Variants in COL27A1 observed in about 807,000 individuals in gnomAD.
The protein encoded by COL27A1 is collagen type XXVII alpha 1 chain, also known as collagen alpha-1(XXVII) chain.
A neutral mutation model predicts 251.3 loss-of-function variants in COL27A1; 106 were observed. The observed-to-expected ratio is 0.42, with a 90% CI of 0.36 to 0.50. The LOEUF is 0.50. COL27A1 is among the 20% of genes least tolerant of loss of function. The pLI is 0.00. For missense variants in COL27A1, 2,325 were observed against 2,522.8 expected (o/e 0.92, Z 1.68); for synonymous variants, 1,000 against 986.3 (o/e 1.01, Z -0.26).
intron 25 of COL27A1, among the ~76,000 whole-genome samples, chr9:114,252,008 G>A (rs1010798344): frequency 6.6e-6 from 1 of 152,196 alleles, no homozygotes; most frequent in Admixed American, 6.5e-5. Context: ...TGCTGGCTGG[G>A]TGGATACAAG....
intron 17 of COL27A1, among the ~76,000 whole-genome samples, 199 bp from the exon 18 acceptor site, chr9:114,236,782 A>C (rs1478747322): frequency 3.3e-5 from 5 of 152,024 alleles, no homozygotes; most frequent in Non-Finnish European, 7.4e-5. Flanking sequence ...TCATGTTAGC[A>C]TTTCCTGGGG....
chr9:114,230,415 C>T (rs1442282260), intron 14 of COL27A1, among the ~76,000 whole-genome samples: 1 of 152,152 alleles, frequency 6.6e-6, no homozygotes, highest in Non-Finnish European at 1.5e-5. Flanking sequence ...GAGCTGTCAT[C>T]TGCAAACTGC....
chr9:114,240,255 T>C lies in COL27A1; in HGVS notation c.2763T>C (p.Asn921=), dbSNP rs2135474187. The change falls in exon 20 of 61, where the codon AAT becomes AAC. Residue 921 remains asparagine (N), a synonymous_variant. Transcript: ENST00000356083. ...FPGDIGPPGD[N]GPEGMKGKPG... ...GAGACATCGGCCCCCCTGGCGACAA[T>C]GGCCCAGAAGGCATGAAGGTGAGTA... 2 of 1,605,288 alleles carry C rather than the reference T, an allele frequency of 1.2e-6. No homozygotes were observed. The highest frequency in any genetic ancestry group is 1.7e-5 in the Admixed American group (1 of 59,172).
chr9:114,236,903 C>G, intron 17 of COL27A1, 78 bp from the exon 18 acceptor site: 3 of 1,361,924 alleles, frequency 2.2e-6, no homozygotes, highest in Non-Finnish European at 3.1e-6. Context: ...GGCCTGGGAC[C>G]AGCAGGAGGA....
intron 49 of COL27A1, among the ~76,000 whole-genome samples, chr9:114,296,137 T>G (rs1828242419): frequency 6.6e-6 from 1 of 152,174 alleles, no homozygotes; most frequent in South Asian, 2.1e-4. Context: ...TTCAAGAACT[T>G]GGATAAGACA....
rs1010183854 is a variant in COL27A1 at position 114,169,240 on chromosome 9, C to T, written c.1685C>T (p.Ala562Val). ...CCTGTCCCCCTCAGACCTGGGAAGG[C>T]AGCCAGGGATGTCCCCTTGAGCGAT... ...RKPVPLRPGK[A>V]ARDVPLSDLT... The change falls in exon 3 of 61, where the codon GCA (alanine) becomes GTA (valine). Residue 562 changes from alanine (A) to valine (V), a missense_variant. Physicochemically the swap from Ala to Val is moderately conservative, Grantham distance 64. Around this residue, in one of 4 missense-constraint regions of COL27A1, gnomAD observed 1,183 missense variants for 1,144.1 expected, o/e 1.03. Transcript: ENST00000356083. The T allele has an allele frequency of 1.2e-6, 2 of 1,613,694 alleles. No individual in the cohort carries two copies. The highest frequency in any genetic ancestry group is 1.7e-6 in the Non-Finnish European group (2 of 1,179,830).
chr9:114,239,465 G>A (rs1832611240), intron 19 of COL27A1, among the ~76,000 whole-genome samples: 1 of 152,208 alleles, frequency 6.6e-6, no homozygotes, highest in East Asian at 1.9e-4. Context: ...ACTTGCCCAG[G>A]GTCACACAGG....
At chr9:114,167,599 C>T in intron 2 of COL27A1, 90 bp from the exon 3 acceptor site, 1 of 1,078,552 alleles carries the variant, frequency 9.3e-7, no homozygotes, top group Non-Finnish European at 1.4e-6. Context: ...GGTGGACGGT[C>T]CACATTGCCT....
intron 17 of COL27A1, 133 bp from the exon 18 acceptor site, chr9:114,236,848 A>T: frequency 1.3e-6 from 1 of 776,764 alleles, no homozygotes; most frequent in Non-Finnish European, 2.2e-6. Flanking sequence ...CACAGCAGGG[A>T]AAGGAAGGAA....
rs202177946 is a variant in COL27A1, at chr9:114,304,574, G to C, written c.4873-34G>C. 294 of 1,610,916 alleles carry C rather than the reference G, an allele frequency of 1.8e-4. 1 individual carries two copies. The highest frequency in any genetic ancestry group is 2.2e-4 in the Non-Finnish European group (264 of 1,177,322). ...TGATGGGTGTGGAGAACCCTGGGGG[G>C]CCACGATACATACCCTGTCTTTTCC... On this transcript the variant is annotated intron_variant, in intron 56 of 60. Coordinates refer to ENST00000356083, the MANE Select transcript of COL27A1 (RefSeq NM_032888.4).
chr9:114,234,912 C>T (rs933902544), intron 16 of COL27A1, among the ~76,000 whole-genome samples: 1 of 105,712 alleles, frequency 9.5e-6, no homozygotes, highest in Non-Finnish European at 2.1e-5. Flanking sequence ...ACTAAAAATA[C>T]AAAAAAAAAA....
chr9:114,172,406 A>G (rs2808780), intron 3 of COL27A1, among the ~76,000 whole-genome samples: 1 of 151,936 alleles, frequency 6.6e-6, no homozygotes, highest in Non-Finnish European at 1.5e-5. Flanking sequence ...TAGCTCTGTG[A>G]CTGATCCATG....
chr9:114,275,787 T>A lies in COL27A1; in HGVS notation c.3717+19T>A, dbSNP rs111806113. 1.9e-3 allele frequency: 2,832 copies of A among 1,492,256 alleles called. 62 individuals carry two copies. In the African/African-American group the frequency reaches 0.036, roughly 19 times the overall value. The allele number at this position is 1,492,256 out of a possible 1,614,324, so 92.4% of individuals were successfully genotyped here. The stretch of plus-strand genomic sequence containing the variant: ...TGTCCGGGTGAGTGTGCAGGCCCCT[T>A]GCAGCGCCTGGAGCTCTGGGGTACC... On this transcript the variant is annotated intron_variant, in intron 37 of 60. Coordinates refer to ENST00000356083, the MANE Select transcript of COL27A1 (RefSeq NM_032888.4).
chr9:114,202,012 A>G (rs147949547), intron 7 of COL27A1, among the ~76,000 whole-genome samples: 7 of 152,266 alleles, frequency 4.6e-5, no homozygotes, highest in Non-Finnish European at 1.0e-4. Context: ...CAACTGGCAA[A>G]TGTGTATGGT....
intron 41 of COL27A1, 58 bp downstream of exon 41, chr9:114,284,835 T>C: frequency 1.3e-6 from 2 of 1,573,832 alleles, no homozygotes; most frequent in Non-Finnish European, 1.7e-6. Context: ...TGAGGTCAGC[T>C]TCAGGGCCAG....
chr9:114,158,499 G>A (rs192316203), intron 1 of COL27A1, among the ~76,000 whole-genome samples: 4 of 152,268 alleles, frequency 2.6e-5, no homozygotes, highest in African/African-American at 4.8e-5. Flanking sequence ...ATGTTTCCTC[G>A]CGGCTCCCGT....
chr9:114,228,039 C>T (rs920836711), intron 14 of COL27A1, among the ~76,000 whole-genome samples: 1 of 152,192 alleles, frequency 6.6e-6, no homozygotes, highest in African/African-American at 2.4e-5. Context: ...AGGGGTCTCT[C>T]TTCCAGATTC....
At chr9:114,288,820 TG>T in intron 43 of COL27A1, 65 bp downstream of exon 43, 1 of 1,603,384 alleles carries the variant, frequency 6.2e-7, no homozygotes, top group Non-Finnish European at 8.5e-7. Context: ...GGATGACACA[TG>T]TCTAGAAAGA....
intron 57 of COL27A1, 108 bp downstream of exon 57, chr9:114,304,781 C>A: frequency 1.1e-6 from 1 of 940,794 alleles, no homozygotes. Context: ...TGGAGCATTT[C>A]AGAGTCCTGG....
Sources: gnomAD v4.1 joint callset for allele counts (sites outside exome capture counted in the v4.1 genomes callset) on GRCh38, gnomAD v4.1.1 for gene constraint, gnomAD v4.1.1 regional missense constraint, MANE v1.5 for transcripts, NCBI Gene and HGNC (gene_info 2026-07-23, HGNC 2026-07-21) for gene names.